The following GRID1 variants were observed in gnomAD, a reference collection of about 807,000 sequenced individuals.
GRID1 encodes glutamate ionotropic receptor delta type subunit 1.
A neutral mutation model predicts 98.0 loss-of-function variants in GRID1; 28 were observed. That is an observed-to-expected ratio of 0.29 (90% confidence interval 0.21 to 0.39). The LOEUF (loss-of-function observed/expected upper bound fraction) is 0.39. Ranked by LOEUF, GRID1 falls within the 10% of genes least tolerant of loss-of-function variation. The pLI is 1.00. For synonymous variants in GRID1, 553 were observed against 538.5 expected, an observed-to-expected ratio of 1.03 and a Z score of -0.37; for missense variants, 1,111 against 1,340.5, an observed-to-expected ratio of 0.83 and a Z score of 2.67.
chr10:86,021,987 T>C (rs1261232194), intron 4 of GRID1, among the ~76,000 whole-genome samples: 2 of 152,202 alleles, frequency 1.3e-5, no homozygotes, highest in Non-Finnish European at 2.9e-5. Flanking sequence ...AATTTAAAAT[T>C]GTCTAGCATC....
intron 4 of GRID1, among the ~76,000 whole-genome samples, chr10:85,933,270 T>C (rs1260226169): frequency 2.4e-5 from 2 of 84,402 alleles, no homozygotes; most frequent in Non-Finnish European, 2.3e-5. Flanking sequence ...GTATAAGAAA[T>C]AAATCTCTGT....
chr10:85,911,140 T>C (rs1285188907), intron 5 of GRID1, among the ~76,000 whole-genome samples: 2 of 152,220 alleles, frequency 1.3e-5, no homozygotes, highest in East Asian at 1.9e-4. Flanking sequence ...GCAGATTTCT[T>C]AAAGCTATGT....
At chr10:85,923,968 A>AT (rs372105856) in intron 4 of GRID1, among the ~76,000 whole-genome samples, 2 of 151,936 alleles carry the variant, frequency 1.3e-5, no homozygotes, top group Non-Finnish European at 2.9e-5. Context: ...TTGTCAAAGG[A>AT]TTTTTTTGCA....
At chr10:85,929,282 A>T (rs1183804574) in intron 4 of GRID1, among the ~76,000 whole-genome samples, 6 of 152,136 alleles carry the variant, frequency 3.9e-5, no homozygotes, top group African/African-American at 1.4e-4. Context: ...TGAGATAGTG[A>T]CTCAAAGGTT....
At chr10:85,844,075 A>G (rs191000281) in intron 8 of GRID1, among the ~76,000 whole-genome samples, 259 of 152,218 alleles carry the variant, frequency 1.7e-3, no homozygotes, top group Middle Eastern at 3.4e-3. Context: ...AATAATACTC[A>G]ACTATAAAAG....
chr10:85,653,915 T>A (rs938142296), intron 12 of GRID1, among the ~76,000 whole-genome samples: 4 of 151,916 alleles, frequency 2.6e-5, no homozygotes, highest in East Asian at 1.9e-4. Context: ...ATGCCCTTTT[T>A]AAAAAAAATA....
chr10:85,650,591 A>G (rs1335750890), intron 12 of GRID1, among the ~76,000 whole-genome samples: 1 of 152,242 alleles, frequency 6.6e-6, no homozygotes, highest in Non-Finnish European at 1.5e-5. Context: ...AACAGTGACC[A>G]AACAATATGA....
At chr10:86,071,797 A>G (rs537589050) in intron 4 of GRID1, among the ~76,000 whole-genome samples, 53 of 152,224 alleles carry the variant, frequency 3.5e-4, no homozygotes, top group Non-Finnish European at 6.8e-4. Context: ...ATAATTTGGG[A>G]TCTAGTAAAG....
intron 12 of GRID1, among the ~76,000 whole-genome samples, chr10:85,648,249 G>A (rs1843223093): frequency 6.6e-6 from 1 of 152,140 alleles, no homozygotes; most frequent in African/African-American, 2.4e-5. Context: ...TGAGCTAGGG[G>A]CAGAGGAGGA....
chr10:86,314,573 G>A (rs2132090775), intron 2 of GRID1, among the ~76,000 whole-genome samples: 1 of 152,332 alleles, frequency 6.6e-6, no homozygotes, highest in East Asian at 1.9e-4. Flanking sequence ...TTCCTGCCAG[G>A]CCTGGGAAAT....
At chr10:85,680,743 G>A (rs749283698) in intron 12 of GRID1, among the ~76,000 whole-genome samples, 1 of 152,060 alleles carries the variant, frequency 6.6e-6, no homozygotes, top group Admixed American at 6.5e-5. Flanking sequence ...CCATCAACAC[G>A]GGCATTATCT....
intron 8 of GRID1, among the ~76,000 whole-genome samples, chr10:85,788,387 G>A (rs1379738275): frequency 6.6e-6 from 1 of 152,144 alleles, no homozygotes; most frequent in Non-Finnish European, 1.5e-5. Context: ...TTATGTTTAG[G>A]TGTGTTCTTT....
At chr10:85,898,959 G>A (rs950312327) in intron 5 of GRID1, among the ~76,000 whole-genome samples, 15 of 152,114 alleles carry the variant, frequency 9.9e-5, no homozygotes, top group Admixed American at 1.3e-4. Flanking sequence ...TTACATGACT[G>A]GCAGCACAGT....
At chr10:86,044,199 C>T (rs770508446) in intron 4 of GRID1, among the ~76,000 whole-genome samples, 6 of 152,194 alleles carry the variant, frequency 3.9e-5, no homozygotes, top group South Asian at 2.1e-4. Context: ...ATAATAAGTG[C>T]CATATAAATG....
At chr10:85,954,192 G>A (rs1036736894) in intron 4 of GRID1, among the ~76,000 whole-genome samples, 1 of 152,180 alleles carries the variant, frequency 6.6e-6, no homozygotes, top group Non-Finnish European at 1.5e-5. Context: ...ATCATGAAAT[G>A]CCATTAATGA....
At chr10:86,050,294 TTGTAAGAAG>T (rs1843483536) in intron 4 of GRID1, among the ~76,000 whole-genome samples, 1 of 152,244 alleles carries the variant, frequency 6.6e-6, no homozygotes, top group African/African-American at 2.4e-5. Flanking sequence ...TCAAAAGTAT[TTGTAAGAAG>T]TATGTGTGTG....
At chr10:85,919,457 A>C (rs1222982596) in intron 4 of GRID1, among the ~76,000 whole-genome samples, 2 of 151,876 alleles carry the variant, frequency 1.3e-5, no homozygotes, top group Non-Finnish European at 2.9e-5. Context: ...AGATAGATGG[A>C]GAGAAGGAGA....
At chr10:85,679,666 T>C (rs1202727547) in intron 12 of GRID1, among the ~76,000 whole-genome samples, 2 of 152,182 alleles carry the variant, frequency 1.3e-5, no homozygotes, top group Non-Finnish European at 2.9e-5. Flanking sequence ...CTAAATGTCT[T>C]ACTGGCAGGA....
At position 85,601,659 on chromosome 10, in the gene GRID1, C is replaced by CA. The variant is rs1218430494; in HGVS notation, c.*613dup. On this transcript the variant is annotated 3_prime_UTR_variant, in exon 16 of 16. Coordinates refer to ENST00000327946, the MANE Select transcript of GRID1 (RefSeq NM_017551.3). ...ACACAGCGGTGACTAACTCGTCCCG[C>CA]AAGATCCAAGACAGGACAGGATAGC... 6.6e-6 allele frequency: 1 copy of CA among 152,436 alleles called. No homozygotes were observed. Among genetic ancestry groups the CA allele is most frequent in the African/African-American group, 2.4e-5 (1 of 41,450 alleles). 9.4% of individuals were successfully genotyped at this position (152,436 alleles called of 1,614,324 possible). A position where few individuals can be genotyped will look rare whatever the true frequency, so the allele number is the denominator to read the frequency against.
Sources: allele counts gnomAD v4.1 joint callset (sites outside exome capture counted in the v4.1 genomes callset), GRCh38; gene constraint gnomAD v4.1.1; transcripts MANE v1.5; gene names NCBI Gene and HGNC (gene_info 2026-07-23, HGNC 2026-07-21).